The following NEDD9 variants were observed in gnomAD, a reference collection of about 807,000 sequenced individuals.
NEDD9 encodes enhancer of filamentation 1.
Under a neutral mutation model 76.6 loss-of-function variants are expected in NEDD9, and 26 were observed. The ratio of observed to expected loss-of-function variants is 0.34; its 90% CI spans 0.25 to 0.47. NEDD9 has a LOEUF of 0.47. Ranked by LOEUF, NEDD9 falls within the 20% of genes least tolerant of loss-of-function variation. The probability of loss-of-function intolerance (pLI) is 1.00; values close to 1 mark genes in which losing one functional copy is unlikely to be tolerated. For synonymous variants in NEDD9, 392 were observed against 414.2 expected, an observed-to-expected ratio of 0.95 and a Z score of 0.65; for missense variants, 937 against 1,058.5, an observed-to-expected ratio of 0.89 and a Z score of 1.59.
chr6:11,291,394 C>A (rs977959244), intron 3 of NEDD9, among the ~76,000 whole-genome samples: 2 of 151,360 alleles, frequency 1.3e-5, no homozygotes, highest in Non-Finnish European at 2.9e-5. Context: ...CCTGCCTCAG[C>A]CTCCCCAGTA....
At chr6:11,243,415 G>A (rs1444196056) in intron 3 of NEDD9, among the ~76,000 whole-genome samples, 1 of 152,178 alleles carries the variant, frequency 6.6e-6, no homozygotes, top group Non-Finnish European at 1.5e-5. Flanking sequence ...GAGCTTCTAA[G>A]CACTAGCTCT....
At chr6:11,349,225 T>C (rs1425891645) in intron 1 of NEDD9, among the ~76,000 whole-genome samples, 1 of 152,124 alleles carries the variant, frequency 6.6e-6, no homozygotes, top group Non-Finnish European at 1.5e-5. Context: ...TGAGATACTA[T>C]CTCACACCAG....
At chr6:11,287,853 T>C (rs1388435328) in intron 3 of NEDD9, among the ~76,000 whole-genome samples, 1 of 152,230 alleles carries the variant, frequency 6.6e-6, no homozygotes, top group African/African-American at 2.4e-5. Flanking sequence ...AGTTGAATTT[T>C]GTAATGAGCT....
intron 2 of NEDD9, among the ~76,000 whole-genome samples, chr6:11,203,025 C>T (rs1189366164): frequency 2.0e-5 from 3 of 152,218 alleles, no homozygotes; most frequent in African/African-American, 7.2e-5. Context: ...AAGCCCCTAG[C>T]ATGTCCCCCC....
At chr6:11,225,789 C>T (rs781761031) in intron 1 of NEDD9, among the ~76,000 whole-genome samples, 7 of 146,406 alleles carry the variant, frequency 4.8e-5, no homozygotes, top group Non-Finnish European at 9.0e-5. Context: ...GTGTGAGCCA[C>T]CGCGCCCGGC....
At chr6:11,353,864 C>G (rs1762517009) in intron 1 of NEDD9, among the ~76,000 whole-genome samples, 1 of 152,138 alleles carries the variant, frequency 6.6e-6, no homozygotes, top group Non-Finnish European at 1.5e-5. Context: ...CCACCTTGCT[C>G]ATGGATAAGA....
At chr6:11,333,747 C>A (rs1377091992) in intron 2 of NEDD9, among the ~76,000 whole-genome samples, 1 of 152,246 alleles carries the variant, frequency 6.6e-6, no homozygotes, top group South Asian at 2.1e-4. Context: ...TCTACCACAT[C>A]CTTTGAGGAT....
chr6:11,228,564 G>GTTT (rs78294541), intron 1 of NEDD9, among the ~76,000 whole-genome samples: 1,938 of 151,414 alleles, frequency 0.013, 35 homozygotes, highest in African/African-American at 0.042. Flanking sequence ...AGAGGAAGGT[G>GTTT]TTTTTTTCAG....
At chr6:11,192,288 C>G (rs1474872902) in intron 4 of NEDD9, 57 bp downstream of exon 4, 1 of 582,578 alleles carries the variant, frequency 1.7e-6, no homozygotes, top group Non-Finnish European at 2.6e-6. Context: ...CCTGCACCCC[C>G]CGACACACAG....
chr6:11,381,955 A>G (rs1250589250), intron 1 of NEDD9, among the ~76,000 whole-genome samples: 1 of 152,190 alleles, frequency 6.6e-6, no homozygotes, highest in Non-Finnish European at 1.5e-5. Context: ...CAGCACCTCC[A>G]GGTCAACTTG....
intron 3 of NEDD9, among the ~76,000 whole-genome samples, chr6:11,257,757 A>G (rs2113317810): frequency 7.0e-6 from 1 of 142,626 alleles, no homozygotes; most frequent in East Asian, 2.0e-4. Context: ...CCGCAGAGTG[A>G]CAGAAACAAT....
chr6:11,364,396 A>C (rs1295961193), intron 1 of NEDD9, among the ~76,000 whole-genome samples: 3 of 152,236 alleles, frequency 2.0e-5, no homozygotes, highest in East Asian at 3.9e-4. Context: ...TCTATGATGA[A>C]TCCTGTGGGT....
chr6:11,296,518 A>T (rs1040250574), intron 3 of NEDD9, among the ~76,000 whole-genome samples: 3 of 152,208 alleles, frequency 2.0e-5, no homozygotes, highest in African/African-American at 7.2e-5. Flanking sequence ...AGCATTTACT[A>T]CAAACCTGAG....
rs1007463777 is a variant in NEDD9, at chr6:11,198,036, C to T, written c.460-4344G>A. 3.9e-5 allele frequency among the ~76,000 whole-genome samples: 6 copies of T among 152,178 alleles called. No individual in the cohort carries two copies. The highest frequency in any genetic ancestry group is 1.3e-4 in the Admixed American group (2 of 15,276). Reference sequence around the variant, plus strand: ...GTCCTATACTCAGATGCTCACGGACCGAGCAAGCAGGGTGTAGGGAAGAAA... The same window carrying T: ...GTCCTATACTCAGATGCTCACGGACTGAGCAAGCAGGGTGTAGGGAAGAAA... On this transcript the variant is annotated intron_variant, in intron 2 of 6. Coordinates refer to ENST00000379446, the MANE Select transcript of NEDD9 (RefSeq NM_006403.4). This position sits in a 1 kb window ranked among gnomAD's most constrained non-coding sequence, Gnocchi z 4.7.
chr6:11,185,967 G>A (rs1581939238), intron 6 of NEDD9, among the ~76,000 whole-genome samples: 1 of 152,186 alleles, frequency 6.6e-6, no homozygotes, highest in Non-Finnish European at 1.5e-5. Context: ...CCTTTATGGA[G>A]GTTAAATGAG....
chr6:11,330,476 T>C (rs923024101), intron 2 of NEDD9, among the ~76,000 whole-genome samples: 7 of 152,136 alleles, frequency 4.6e-5, no homozygotes, highest in African/African-American at 1.7e-4. Flanking sequence ...CTAACTAGGA[T>C]ACACTGGGGG....
intron 3 of NEDD9, among the ~76,000 whole-genome samples, chr6:11,246,684 C>A (rs1016175068): frequency 2.6e-5 from 4 of 152,190 alleles, no homozygotes; most frequent in African/African-American, 9.7e-5. Flanking sequence ...TTCCCACCCA[C>A]AGAAAACAAG....
chr6:11,253,411 C>G (rs1021623508), intron 3 of NEDD9, among the ~76,000 whole-genome samples: 16 of 152,270 alleles, frequency 1.1e-4, no homozygotes, highest in African/African-American at 3.9e-4. Flanking sequence ...TCATTCTTCA[C>G]TTTTATTTCC....
chr6:11,375,757 G>A (rs1057289296), intron 1 of NEDD9, among the ~76,000 whole-genome samples: 6 of 152,164 alleles, frequency 3.9e-5, no homozygotes, highest in East Asian at 1.9e-4. Context: ...GGCCTCACCC[G>A]AAGCAGATGC....
Sources: allele counts gnomAD v4.1 joint callset (sites outside exome capture counted in the v4.1 genomes callset), GRCh38; gene constraint gnomAD v4.1.1; non-coding constraint Gnocchi (gnomAD v3.1); transcripts MANE v1.5; gene names NCBI Gene and HGNC (gene_info 2026-07-23, HGNC 2026-07-21).